CPT1B: variants seen among roughly 807,000 people sequenced by gnomAD.
The protein encoded by CPT1B is carnitine O-palmitoyltransferase 1, muscle isoform.
In CPT1B, 57 loss-of-function variants were observed where a neutral mutation model predicts 92.7. The observed-to-expected ratio is 0.62, with a 90% CI of 0.50 to 0.77. CPT1B has a LOEUF of 0.77. Among genes scored for constraint, CPT1B ranks in the 30% least tolerant of loss-of-function variants. The probability of loss-of-function intolerance (pLI) is 0.00; values close to 1 mark genes in which losing one functional copy is unlikely to be tolerated. For missense variants in CPT1B, 983 were observed against 1,017.4 expected (o/e 0.97, Z 0.46); for synonymous variants, 398 against 383.5 (o/e 1.04, Z -0.44).
In CPT1B at chr22:50,572,945, A is replaced by G; in HGVS notation, c.1282T>C (p.Tyr428His). 1 of 1,613,828 alleles carries G rather than the reference A, an allele frequency of 6.2e-7. No homozygotes were observed. ...FVALDEESYS[Y>H]DPEDEASLSL... ...AGGCTGGCCTCATCTTCGGGGTCAT[A>G]GGAGTAGGATTCCTCATCCAGGGCC... The change falls in exon 11 of 20, where the codon TAT becomes CAT. Residue 428 changes from tyrosine (Y) to histidine (H), a missense_variant. Coordinates refer to ENST00000312108, the MANE Select transcript of CPT1B (RefSeq NM_152246.3).
In CPT1B at chr22:50,571,204, C is replaced by T. The variant is rs755318861; in HGVS notation, c.1829G>A (p.Ser610Asn). Reference protein sequence around the residue: ...GRTETVRSCTSESTAFVQAMM... With the variant: ...GRTETVRSCTNESTAFVQAMM... The stretch of plus-strand genomic sequence containing the variant: ...GGCCTGCACAAAGGCTGTGGACTCG[C>T]TGGTACAGGAACGCACAGTCTCAGT... The change falls in exon 15 of 20, where the codon AGC (serine) becomes AAC (asparagine). Residue 610 changes from serine (S) to asparagine (N), a missense_variant. Physicochemically the swap from Ser to Asn is conservative, Grantham distance 46. Coordinates refer to ENST00000312108, the MANE Select transcript of CPT1B (RefSeq NM_152246.3). 4.3e-6 allele frequency: 7 copies of T among 1,614,146 alleles called. No homozygotes were observed. The highest frequency in any genetic ancestry group is 1.7e-5 in the Admixed American group (1 of 60,032).
Position 50,576,404 on chromosome 22 carries a change from A to G in CPT1B, c.562-69T>C, listed in dbSNP as rs554585109. ...CTGCCTCTATCTTAATCCTCTTCCCACCTCTCCCTCCTCACCCAGCCCCAT... is the reference window on the plus strand; with the variant it reads ...CTGCCTCTATCTTAATCCTCTTCCCGCCTCTCCCTCCTCACCCAGCCCCAT... On this transcript the variant is annotated intron_variant, in intron 5 of 19. Coordinates refer to ENST00000312108, the MANE Select transcript of CPT1B (RefSeq NM_152246.3). 1.5e-4 allele frequency: 249 copies of G among 1,607,444 alleles called. 3 individuals are homozygous for G. The East Asian group carries it at 5.5e-3, about 36-fold the overall frequency.
chr22:50,575,304 C>G (rs1198599326), intron 7 of CPT1B, among the ~76,000 whole-genome samples: 6 of 152,206 alleles, frequency 3.9e-5, no homozygotes, highest in Admixed American at 3.9e-4. Flanking sequence ...CCACTGCACC[C>G]GGCCCGAGCT....
intron 3 of CPT1B, 63 bp from the exon 4 acceptor site, chr22:50,577,097 CTG>C: frequency 6.3e-7 from 1 of 1,581,142 alleles, no homozygotes. Flanking sequence ...TGGCTGTGAA[CTG>C]TCTCAGGGGA....
At chr22:50,569,715 G>A (rs376435607) in intron 17 of CPT1B, 47 bp from the exon 18 acceptor site, 4 of 1,483,198 alleles carry the variant, frequency 2.7e-6, no homozygotes, top group East Asian at 4.5e-5. Flanking sequence ...AAACCTTGAA[G>A]ATCTGAAAGC....
Position 50,577,019 on chromosome 22 carries a change from C to A in CPT1B, c.297G>T (p.Gln99His). ...RCLPQGCGPY[Q>H]TPQTRALLSM... ...TGAGAAGTGCCCGGGTCTGCGGGGT[C>A]TGGTAGGGGCCACACCTATTGGAGA... Residue 99 changes from glutamine to histidine, a missense_variant, in exon 4 of 20, where the codon CAG (glutamine) becomes CAT (histidine). Transcript: ENST00000312108. 6.2e-7 allele frequency: 1 copy of A among 1,613,972 alleles called. No homozygotes were observed. The highest frequency in any genetic ancestry group is 1.7e-4 in the Middle Eastern group (1 of 6,056).
Position 50,571,048 on chromosome 22 carries a change from G to A in CPT1B, c.1876-5C>T, listed in dbSNP as rs776825267. The A allele has an allele frequency of 8.7e-6, 14 of 1,613,656 alleles. No homozygotes were observed. The Admixed American group carries it at 1.2e-4, about 13-fold the overall frequency. On this transcript the variant is annotated splice_region_variant and splice_polypyrimidine_tract_variant and intron_variant, in intron 15 of 19. Coordinates refer to ENST00000312108, the MANE Select transcript of CPT1B (RefSeq NM_152246.3). Reference sequence around the variant, plus strand: ...GAGATCTCGCAGGTCTGCTTTCTGCGGGGCAGAAGTAAAGGGGTGAAGAGT... The same window carrying A: ...GAGATCTCGCAGGTCTGCTTTCTGCAGGGCAGAAGTAAAGGGGTGAAGAGT...
intron 7 of CPT1B, 23 bp downstream of exon 7, chr22:50,576,012 G>C (rs937219007): frequency 3.1e-6 from 5 of 1,610,542 alleles, no homozygotes; most frequent in Non-Finnish European, 4.2e-6. Context: ...CACGTGCGGG[G>C]ACCTGGGGGC....
rs373214555 is a variant in CPT1B at position 50,576,078 on chromosome 22, C to G, written c.734G>C (p.Arg245Pro). 2 of 1,614,106 alleles carry G rather than the reference C, an allele frequency of 1.2e-6. No individual in the cohort carries two copies. The highest frequency in any genetic ancestry group is 1.7e-6 in the Non-Finnish European group (2 of 1,180,022). ...GTTCACCATGAGAGGGCTCCTGCCT[C>G]GAAGGTAGATGTACTCTTCCCACCA... is the stretch of plus-strand genomic sequence containing the variant. ...SDWWEEYIYL[R>P]GRSPLMVNSN... The change falls in exon 7 of 20, where the codon CGA (arginine) becomes CCA (proline). Residue 245 changes from arginine (R) to proline (P), a missense_variant. By Grantham distance (103) the Arg-to-Pro change is moderately radical. Coordinates refer to ENST00000312108, the MANE Select transcript of CPT1B (RefSeq NM_152246.3).
At position 50,576,891 on chromosome 22, in the gene CPT1B, T is replaced by C. The variant is rs1030356387; in HGVS notation, c.425A>G (p.His142Arg). 11 of 1,614,048 alleles carry C rather than the reference T, an allele frequency of 6.8e-6. No individual in the cohort carries two copies. In the Admixed American group the frequency reaches 8.3e-5, roughly 12 times the overall value. Residue 142 changes from histidine (H) to arginine (R), a missense_variant, in exon 4 of 20, where the codon CAT becomes CGT. Coordinates refer to ENST00000312108, the MANE Select transcript of CPT1B (RefSeq NM_152246.3). ...CCTGGTCAAGTTGCTGGTCTTGCCA[T>C]GCATCTCAAACATCCACCCATGGTA... is the stretch of plus-strand genomic sequence containing the variant. ...LCYHGWMFEM[H>R]GKTSNLTRIW...
Position 50,571,292 on chromosome 22 carries a change from C to T in CPT1B, c.1741G>A (p.Asp581Asn). 1 of 1,613,792 alleles carries T rather than the reference C, an allele frequency of 6.2e-7. No homozygotes were observed. Residue 581 changes from aspartate (D) to asparagine (N), a missense_variant and splice_region_variant, in exon 15 of 20, where the codon GAC (aspartate) becomes AAC (asparagine). Transcript: ENST00000312108. The part of the protein sequence containing the change: ...QIALQLAHFR[D>N]RGKFCLTYEA... ...TAGGTCAGGCAGAACTTACCCCTGT[C>T]CTGGGATATACAGAGGGGTGAATCT...
rs2070312605 is a variant in CPT1B at position 50,573,961 on chromosome 22, G to A, written c.971-246C>T. 1.4e-6 allele frequency: 1 copy of A among 705,662 alleles called. No homozygotes were observed. The highest frequency in any genetic ancestry group is 2.6e-6 in the Non-Finnish European group (1 of 378,386). 43.7% of individuals were successfully genotyped at this position (705,662 alleles called of 1,614,324 possible). On this transcript the variant is annotated intron_variant, in intron 9 of 19. Transcript: ENST00000312108. The surrounding 1 kb of genome is among the most constrained non-coding windows in gnomAD (Gnocchi z 5.0). ...ACAGAAGAGGAAACGACGCACTAGA[G>A]GGTTGTGCAAACCGCCTAAGGATAC...
intron 11 of CPT1B, among the ~76,000 whole-genome samples, chr22:50,572,639 C>T (rs78872702): frequency 0.019 from 2,951 of 152,116 alleles, 85 homozygotes; most frequent in African/African-American, 0.067. Flanking sequence ...TAGCCCTACC[C>T]AACCACTAAT....
At position 50,571,203 on chromosome 22, in the gene CPT1B, G is replaced by T; in HGVS notation, c.1830C>A (p.Ser610Arg). ...TGGCCTGCACAAAGGCTGTGGACTC[G>T]CTGGTACAGGAACGCACAGTCTCAG... ...GRTETVRSCT[S>R]ESTAFVQAMM... is the part of the protein sequence containing the mutation. Residue 610 changes from serine (S) to arginine (R), a missense_variant, in exon 15 of 20, where the codon AGC (serine) becomes AGA (arginine). Ser to Arg is a moderately radical substitution (Grantham distance 110). Coordinates refer to ENST00000312108, the MANE Select transcript of CPT1B (RefSeq NM_152246.3). 6.2e-7 allele frequency: 1 copy of T among 1,614,132 alleles called. No individual in the cohort carries two copies.
intron 1 of CPT1B, 42 bp from the exon 2 acceptor site, chr22:50,577,976 G>A (rs1274877623): frequency 2.1e-6 from 3 of 1,459,014 alleles, no homozygotes; most frequent in Non-Finnish European, 1.8e-6. Flanking sequence ...GCTTAGGCCG[G>A]CCCCGCCGCC....
Position 50,570,951 on chromosome 22 carries a change from G to T in CPT1B, c.1968C>A (p.His656Gln), listed in dbSNP as rs1258273727. 1 of 1,613,966 alleles carries T rather than the reference G, an allele frequency of 6.2e-7. No homozygotes were observed. Among genetic ancestry groups the T allele is most frequent in the Admixed American group, 1.7e-5 (1 of 60,034 alleles). ...TGGAGACCAAGTAAAGGCAGAAGAG[G>T]TGCCTGTCGATCCCTGCCCCGGTCA... The part of the protein sequence containing the change: ...LAMTGAGIDR[H>Q]LFCLYLVSKY... The change falls in exon 16 of 20, where the codon CAC becomes CAA. Residue 656 changes from histidine (H) to glutamine (Q), a missense_variant. Transcript: ENST00000312108.
chr22:50,572,289 T>C lies in CPT1B; in HGVS notation c.1372A>G (p.Thr458Ala). 1 of 1,613,434 alleles carries C rather than the reference T, an allele frequency of 6.2e-7. No homozygotes were observed. The highest frequency in any genetic ancestry group is 8.5e-7 in the Non-Finnish European group (1 of 1,179,674). The change falls in exon 12 of 20, where the codon ACT becomes GCT. Residue 458 changes from threonine to alanine, a missense_variant. Physicochemically the swap from Thr to Ala is moderately conservative, Grantham distance 58. Coordinates refer to ENST00000312108, the MANE Select transcript of CPT1B (RefSeq NM_152246.3). ...TGGCCATTCTTGAAGGAAATGAGAG[T>C]GAAGGATTTGTCAAACCACCTGCAG... The part of the protein sequence containing the change: ...CYNRWFDKSF[T>A]LISFKNGQLG...
chr22:50,572,105 G>A lies in CPT1B; in HGVS notation c.1476C>T (p.Asp492=), dbSNP rs771178312. The A allele has an allele frequency of 1.9e-6, 3 of 1,614,144 alleles. No homozygotes were observed. Among genetic ancestry groups the A allele is most frequent in the East Asian group, 4.5e-5 (2 of 44,882 alleles). ...GHLWEFVLGT[D]SFHLGYTETG... is the part of the protein sequence containing the mutation. ...TCTCCGTGTAGCCCAGGTGGAAGCTGTCTGTGCCCAGGACAAACTGCAGGG... is the reference window on the plus strand; with the variant it reads ...TCTCCGTGTAGCCCAGGTGGAAGCTATCTGTGCCCAGGACAAACTGCAGGG... The change falls in exon 13 of 20, where the codon GAC becomes GAT. Residue 492 remains aspartate (D), a synonymous_variant. Coordinates refer to ENST00000312108, the MANE Select transcript of CPT1B (RefSeq NM_152246.3).
chr22:50,569,480 C>A, intron 18 of CPT1B, 59 bp from the exon 19 acceptor site: 2 of 1,610,320 alleles, frequency 1.2e-6, no homozygotes, highest in South Asian at 2.2e-5. Flanking sequence ...TCTGTTCCCA[C>A]AAGCAAGGAT....
Sources: gnomAD v4.1 joint callset for allele counts (sites outside exome capture counted in the v4.1 genomes callset) on GRCh38, gnomAD v4.1.1 for gene constraint, Gnocchi (gnomAD v3.1) non-coding constraint, MANE v1.5 for transcripts, NCBI Gene and HGNC (gene_info 2026-07-23, HGNC 2026-07-21) for gene names.